SCML2: variants seen among roughly 807,000 people sequenced by gnomAD.
SCML2 encodes Scm polycomb group protein like 2.
SCML2 carries 6 observed loss-of-function variants against 48.4 expected under a neutral mutation model. That is an observed-to-expected ratio of 0.12 (90% CI 0.07 to 0.24). The LOEUF (loss-of-function observed/expected upper bound fraction) is 0.24, where lower values mean the gene tolerates loss of function less well. Among genes scored for constraint, SCML2 ranks in the 10% least tolerant of loss-of-function variants. The probability of loss-of-function intolerance (pLI) is 1.00; values close to 1 mark genes in which losing one functional copy is unlikely to be tolerated. For synonymous variants in SCML2, 181 were observed against 189.5 expected (o/e 0.95, Z 0.37); for missense variants, 377 against 528.2 (o/e 0.71, Z 2.81).
At chrX:18,353,899 C>G (rs1569169575) in intron 1 of SCML2, among the ~76,000 whole-genome samples, 1 of 113,278 alleles carries the variant, frequency 8.8e-6, no homozygotes, top group Admixed American at 9.2e-5. Flanking sequence ...GAGACTGTTT[C>G]TAAGTGACGG....
At chrX:18,251,309 CAAA>C (rs750658948) in intron 11 of SCML2, among the ~76,000 whole-genome samples, 1 of 6,766 alleles carries the variant, frequency 1.5e-4, no homozygotes, top group Non-Finnish European at 3.3e-4. Flanking sequence ...GATTCCATTG[CAAA>C]AAAAAAAAAA....
intron 1 of SCML2, among the ~76,000 whole-genome samples, chrX:18,338,759 C>T (rs950596843): frequency 9.3e-6 from 1 of 107,851 alleles, no homozygotes; most frequent in Admixed American, 1.0e-4. Flanking sequence ...CAAAAAAATA[C>T]AAAAATTAGC....
Position 18,256,978 on chromosome X carries a change from T to C in SCML2, c.1326A>G (p.Ala442=), listed in dbSNP as rs771597224. The C allele has an allele frequency of 8.3e-7, 1 of 1,206,076 alleles. No individual in the cohort carries two copies. Among genetic ancestry groups the C allele is most frequent in the Non-Finnish European group, 1.1e-6 (1 of 893,264 alleles). ...HSIQLPPVNS[A]SFALRFLENF... is the part of the protein sequence containing the mutation. ...TCTCAAGAAAGCGAAGAGCAAATGATGCACTGTTCACTGGAGGGAGCTGGA... is the reference window on the plus strand; with the variant it reads ...TCTCAAGAAAGCGAAGAGCAAATGACGCACTGTTCACTGGAGGGAGCTGGA... The change falls in exon 11 of 15, where the codon GCA becomes GCG. Residue 442 remains alanine, a synonymous_variant. Transcript: ENST00000251900.
chrX:18,309,780 A>G (rs1219926447), intron 6 of SCML2, among the ~76,000 whole-genome samples: 1 of 111,330 alleles, frequency 9.0e-6, no homozygotes, highest in African/African-American at 3.3e-5. Flanking sequence ...TGAGGGTGGA[A>G]GGTAGGAGGA....
chrX:18,253,963 T>C (rs923787903), intron 11 of SCML2, among the ~76,000 whole-genome samples: 5 of 111,754 alleles, frequency 4.5e-5, no homozygotes, highest in Non-Finnish European at 9.4e-5. Context: ...AAGTAATATA[T>C]GGTACTAGAA....
chrX:18,305,384 A>T (rs1292116599), intron 6 of SCML2, among the ~76,000 whole-genome samples, 169 bp from the exon 7 acceptor site: 1 of 111,962 alleles, frequency 8.9e-6, no homozygotes, highest in East Asian at 2.8e-4. Context: ...CAGATCTGAA[A>T]CTCTGCTCTC....
At chrX:18,325,121 A>G in intron 3 of SCML2, 144 bp from the exon 4 acceptor site, 1 of 386,781 alleles carries the variant, frequency 2.6e-6, no homozygotes. Context: ...AGTAGATTCA[A>G]AAATCCTGAT....
chrX:18,298,814 TG>T (rs922015591), intron 7 of SCML2, among the ~76,000 whole-genome samples: 4 of 108,038 alleles, frequency 3.7e-5, no homozygotes, highest in African/African-American at 1.4e-4. Context: ...AGTGAGACTG[TG>T]TCTCACAAAA....
chrX:18,252,366 A>T (rs1464229777), intron 11 of SCML2, among the ~76,000 whole-genome samples: 1 of 112,768 alleles, frequency 8.9e-6, no homozygotes, highest in African/African-American at 3.2e-5. Context: ...TATTAATATG[A>T]AATGTCTAGA....
chrX:18,245,309 T>C (rs1324824042), intron 13 of SCML2, among the ~76,000 whole-genome samples: 1 of 112,171 alleles, frequency 8.9e-6, no homozygotes, highest in Non-Finnish European at 1.9e-5. Flanking sequence ...ACCTTAGTGT[T>C]TGACATACAT....
intron 7 of SCML2, among the ~76,000 whole-genome samples, chrX:18,270,023 T>G (rs1395768144): frequency 1.4e-5 from 1 of 69,305 alleles, no homozygotes; most frequent in African/African-American, 5.8e-5. Context: ...AACAAAGTAC[T>G]ATAAATTTTT....
chrX:18,273,483 T>C (rs1233230722), intron 7 of SCML2, among the ~76,000 whole-genome samples: 1 of 111,747 alleles, frequency 8.9e-6, no homozygotes, highest in East Asian at 2.8e-4. Context: ...ATGAACGACA[T>C]TACCTATCTG....
upstream of SCML2, chrX:18,354,794 C>G (rs1449731579): frequency 6.9e-6 from 1 of 145,108 alleles, no homozygotes; most frequent in African/African-American, 3.2e-5. Context: ...ACCGCCGCCG[C>G]GTGCGGGGCC....
chrX:18,318,646 G>A (rs1929208157), intron 6 of SCML2, among the ~76,000 whole-genome samples: 1 of 111,554 alleles, frequency 9.0e-6, no homozygotes, highest in South Asian at 3.7e-4. Context: ...GTGATTTTTT[G>A]GCCCATCATC....
In SCML2 at chrX:18,260,204, C is replaced by T. The variant is rs142754469; in HGVS notation, c.1036G>A (p.Ala346Thr). The change falls in exon 9 of 15, where the codon GCT (alanine) becomes ACT (threonine). Residue 346 changes from alanine (A) to threonine (T), a missense_variant. Ala to Thr is a moderately conservative substitution (Grantham distance 58). Coordinates refer to ENST00000251900, the MANE Select transcript of SCML2 (RefSeq NM_006089.3). ...ATCACTATTTTACATGGCCCAGAAG[C>T]GACATCTTTATATAACATGCCACGG... ...RDRGMLYKDV[A>T]SGPCKIVMST... is the part of the protein sequence containing the mutation. The T allele has an allele frequency of 4.9e-5, 59 of 1,198,239 alleles. No individual in the cohort carries two copies. Among genetic ancestry groups the T allele is most frequent in the African/African-American group, 2.3e-4 (13 of 56,640 alleles).
intron 13 of SCML2, 81 bp from the exon 14 acceptor site, chrX:18,242,671 G>A: frequency 9.9e-6 from 10 of 1,014,897 alleles, no homozygotes; most frequent in Non-Finnish European, 1.3e-5. Context: ...AGGGAATAAT[G>A]GTCTCATTCC....
At chrX:18,279,870 C>T (rs1202099366) in intron 7 of SCML2, among the ~76,000 whole-genome samples, 1 of 111,846 alleles carries the variant, frequency 8.9e-6, no homozygotes, top group Non-Finnish European at 1.9e-5. Context: ...TGGGATTATG[C>T]AAAGAGACCA....
At chrX:18,325,780 A>G (rs1929459923) in intron 3 of SCML2, among the ~76,000 whole-genome samples, 1 of 112,154 alleles carries the variant, frequency 8.9e-6, no homozygotes, top group East Asian at 2.8e-4. Flanking sequence ...AGTAATTCAC[A>G]TGATGTTTAA....
intron 7 of SCML2, among the ~76,000 whole-genome samples, chrX:18,276,451 C>T (rs1927642121): frequency 9.0e-6 from 1 of 111,567 alleles, no homozygotes; most frequent in Non-Finnish European, 1.9e-5. Flanking sequence ...GGTAGTAGTG[C>T]TGCTATGAAC....
Sources: allele counts gnomAD v4.1 joint callset (sites outside exome capture counted in the v4.1 genomes callset), GRCh38; gene constraint gnomAD v4.1.1; transcripts MANE v1.5; gene names NCBI Gene and HGNC (gene_info 2026-07-23, HGNC 2026-07-21).